Variants in ASTN2 observed in about 807,000 individuals in gnomAD.
ASTN2 encodes astrotactin 2, also known as astrotactin-2.
In ASTN2, 54 loss-of-function variants were observed where a neutral mutation model predicts 139.8. That is an observed-to-expected ratio of 0.39 (90% CI 0.31 to 0.48). ASTN2 has a LOEUF of 0.48. ASTN2 is among the 20% of genes least tolerant of loss of function. The probability of loss-of-function intolerance (pLI) is 0.95; values close to 1 mark genes in which losing one functional copy is unlikely to be tolerated. For missense variants in ASTN2, 1,565 were observed against 1,725.1 expected (o/e 0.91, Z 1.64); for synonymous variants, 756 against 719.5 (o/e 1.05, Z -0.81).
chr9:116,539,349 T>C (rs1851781454), intron 19 of ASTN2, among the ~76,000 whole-genome samples: 1 of 151,336 alleles, frequency 6.6e-6, no homozygotes, highest in South Asian at 2.1e-4. Context: ...GTAAATTATA[T>C]TGCAATGAAG....
At chr9:116,557,949 C>G (rs187355684) in intron 19 of ASTN2, among the ~76,000 whole-genome samples, 3 of 152,156 alleles carry the variant, frequency 2.0e-5, no homozygotes, top group Non-Finnish European at 4.4e-5. Context: ...ATTGAATATA[C>G]ATTGTTCGAT....
intron 19 of ASTN2, chr9:116,584,189 G>A (rs902988217): frequency 2.0e-5 from 3 of 152,198 alleles, no homozygotes; most frequent in Non-Finnish European, 2.9e-5. Flanking sequence ...TTCATTAAAC[G>A]GAATTTTCCA....
At chr9:117,279,407 T>C (rs1328322370) in intron 2 of ASTN2, among the ~76,000 whole-genome samples, 1 of 152,224 alleles carries the variant, frequency 6.6e-6, no homozygotes, top group African/African-American at 2.4e-5. Context: ...GCAATATCAA[T>C]AGTATCATTA....
At chr9:116,815,159 C>T (rs891815212) in intron 12 of ASTN2, among the ~76,000 whole-genome samples, 1 of 152,162 alleles carries the variant, frequency 6.6e-6, no homozygotes, top group Admixed American at 6.5e-5. Context: ...AAAATGAAGG[C>T]CATTGTCTCT....
At chr9:117,235,067 C>G (rs569886178) in intron 2 of ASTN2, among the ~76,000 whole-genome samples, 13 of 152,168 alleles carry the variant, frequency 8.5e-5, no homozygotes, top group Middle Eastern at 3.4e-3. Flanking sequence ...AACCCTGACT[C>G]TACCAGAAAT....
intron 6 of ASTN2, among the ~76,000 whole-genome samples, chr9:117,010,443 G>T (rs935302681): frequency 1.3e-5 from 2 of 152,090 alleles, no homozygotes; most frequent in Non-Finnish European, 2.9e-5. Flanking sequence ...GCTGAGTTTG[G>T]TTAAACCCTC....
intron 2 of ASTN2, among the ~76,000 whole-genome samples, chr9:117,262,305 G>T (rs751443705): frequency 7.2e-5 from 11 of 152,056 alleles, no homozygotes; most frequent in Non-Finnish European, 1.5e-4. Context: ...CAAATGTAAG[G>T]ATATGGAAAA....
chr9:117,215,339 C>T (rs980340840), intron 2 of ASTN2, among the ~76,000 whole-genome samples: 2 of 151,910 alleles, frequency 1.3e-5, no homozygotes, highest in African/African-American at 4.8e-5. Flanking sequence ...TTCAGAAACA[C>T]CAGTCTTTAA....
At chr9:117,107,922 C>G (rs1163217955) in intron 4 of ASTN2, among the ~76,000 whole-genome samples, 1 of 152,170 alleles carries the variant, frequency 6.6e-6, no homozygotes, top group Non-Finnish European at 1.5e-5. Context: ...ATCTTCTGAT[C>G]TCATAGTTGC....
rs914530854 is a variant in ASTN2, at chr9:116,816,924, C to T, written c.2207+3693G>A. ...ATAAATAAATAAATAAATAAATAGACGAGGGAAAATGTCATTTCTATATAG... is the reference window on the plus strand; with the variant it reads ...ATAAATAAATAAATAAATAAATAGATGAGGGAAAATGTCATTTCTATATAG... On this transcript the variant is annotated intron_variant, in intron 12 of 22. Coordinates refer to ENST00000313400, the MANE Select transcript of ASTN2 (RefSeq NM_001365068.1). Among the ~76,000 whole-genome samples, 26 of 44,058 alleles carry T rather than the reference C, an allele frequency of 5.9e-4. No individual in the cohort carries two copies. The South Asian group carries it at 0.011, about 18-fold the overall frequency. 28.9% of individuals were successfully genotyped at this position (44,058 alleles called of 152,430 possible). A position where few individuals can be genotyped will look rare whatever the true frequency, so the allele number is the denominator to read the frequency against.
chr9:116,492,325 G>T (rs991320617), intron 19 of ASTN2, among the ~76,000 whole-genome samples: 3 of 152,090 alleles, frequency 2.0e-5, no homozygotes, highest in Non-Finnish European at 4.4e-5. Context: ...CAGGTGATCT[G>T]CCTGCTTCAG....
At chr9:117,292,124 G>A (rs1425836088) in intron 1 of ASTN2, among the ~76,000 whole-genome samples, 1 of 152,100 alleles carries the variant, frequency 6.6e-6, no homozygotes, top group Non-Finnish European at 1.5e-5. Context: ...AGGAAATGTT[G>A]GCATAAAGTT....
chr9:116,494,580 A>C (rs1374756512), intron 19 of ASTN2, among the ~76,000 whole-genome samples: 1 of 152,206 alleles, frequency 6.6e-6, no homozygotes, highest in Non-Finnish European at 1.5e-5. Context: ...AAGCAAAAAG[A>C]GGGAAATAAA....
chr9:116,641,748 T>C (rs1187645973), intron 17 of ASTN2, among the ~76,000 whole-genome samples: 1 of 152,166 alleles, frequency 6.6e-6, no homozygotes, highest in Non-Finnish European at 1.5e-5. Flanking sequence ...GAAAGAGCTA[T>C]GTTTTCCAGT....
intron 2 of ASTN2, among the ~76,000 whole-genome samples, chr9:117,222,945 A>G (rs1008894775): frequency 6.6e-6 from 1 of 152,188 alleles, no homozygotes; most frequent in East Asian, 1.9e-4. Flanking sequence ...GAAAACATAT[A>G]TGATAAGATT....
chr9:117,003,024 G>T (rs893423483), intron 7 of ASTN2, among the ~76,000 whole-genome samples: 2 of 151,734 alleles, frequency 1.3e-5, no homozygotes, highest in Admixed American at 6.6e-5. Context: ...AAAGGAAAAA[G>T]ACATTTTTCT....
intron 13 of ASTN2, among the ~76,000 whole-genome samples, chr9:116,782,306 A>C (rs1830240597): frequency 6.6e-6 from 1 of 152,180 alleles, no homozygotes; most frequent in Admixed American, 6.5e-5. Context: ...ATATTATGAC[A>C]GTCCCCAAGT....
intron 7 of ASTN2, among the ~76,000 whole-genome samples, chr9:117,005,116 T>C (rs1227093741): frequency 1.6e-5 from 2 of 126,428 alleles, no homozygotes; most frequent in East Asian, 5.5e-4. Context: ...AGACACAGTC[T>C]TGCTCTGTCA....
chr9:117,133,014 T>G (rs1289428554), intron 4 of ASTN2, among the ~76,000 whole-genome samples: 1 of 152,120 alleles, frequency 6.6e-6, no homozygotes, highest in African/African-American at 2.4e-5. Flanking sequence ...TATTAAGCAG[T>G]TTCTCTAAAG....
Sources: gnomAD v4.1 joint callset for allele counts (sites outside exome capture counted in the v4.1 genomes callset) on GRCh38, gnomAD v4.1.1 for gene constraint, MANE v1.5 for transcripts, NCBI Gene and HGNC (gene_info 2026-07-23, HGNC 2026-07-21) for gene names.